NR3C2: variants seen among roughly 807,000 people sequenced by gnomAD.
NR3C2 encodes mineralocorticoid receptor.
Under a neutral mutation model 86.4 loss-of-function variants are expected in NR3C2, and 15 were observed. That is an observed-to-expected ratio of 0.17 (90% CI 0.12 to 0.27). NR3C2 has a LOEUF of 0.27. Among genes scored for constraint, NR3C2 ranks in the 10% least tolerant of loss-of-function variants. The pLI is 1.00. For missense variants in NR3C2, 960 were observed against 1,195.6 expected, an observed-to-expected ratio of 0.80 and a Z score of 2.91; for synonymous variants, 458 against 450.5, an observed-to-expected ratio of 1.02 and a Z score of -0.21.
chr4:148,388,169 T>G (rs1174996676), intron 2 of NR3C2, among the ~76,000 whole-genome samples: 1 of 152,226 alleles, frequency 6.6e-6, no homozygotes, highest in Non-Finnish European at 1.5e-5. Flanking sequence ...AGCTTACTTT[T>G]TCCCTGAATA....
intron 3 of NR3C2, among the ~76,000 whole-genome samples, chr4:148,234,629 G>A (rs1253735268): frequency 6.6e-6 from 1 of 150,382 alleles, no homozygotes; most frequent in Non-Finnish European, 1.5e-5. Flanking sequence ...GTTGCAGTGA[G>A]CCAAGATTGC....
rs950529342 is a variant in NR3C2, at chr4:148,378,220, T to C, written c.1757+56884A>G. On this transcript the variant is annotated intron_variant, in intron 2 of 8. Transcript: ENST00000358102. ...ATTGAAAGATAACAATAAGAAAACA[T>C]TCATCCCCTTCAGACTAGCAAAAAA... 2.0e-5 allele frequency among the ~76,000 whole-genome samples: 3 copies of C among 152,162 alleles called. No homozygotes were observed. The South Asian group carries it at 6.2e-4, about 32-fold the overall frequency.
intron 6 of NR3C2, among the ~76,000 whole-genome samples, chr4:148,141,522 G>A (rs1304131144): frequency 6.6e-6 from 1 of 151,812 alleles, no homozygotes; most frequent in Admixed American, 6.6e-5. Flanking sequence ...TGTACTCTAG[G>A]TATTTACAGT....
chr4:148,205,389 T>C (rs1736953242), intron 3 of NR3C2, among the ~76,000 whole-genome samples: 1 of 152,180 alleles, frequency 6.6e-6, no homozygotes, highest in South Asian at 2.1e-4. Flanking sequence ...AGGCTCTCTC[T>C]CTCCCCCTCT....
chr4:148,218,399 C>T (rs1737656596), intron 3 of NR3C2, among the ~76,000 whole-genome samples: 1 of 152,086 alleles, frequency 6.6e-6, no homozygotes, highest in African/African-American at 2.4e-5. Context: ...GTCTCTATAG[C>T]CAAAAGGCTA....
In NR3C2 at chr4:148,229,798, G is replaced by A. The variant is rs549451842; in HGVS notation, c.1897+30180C>T. Among the ~76,000 whole-genome samples, 3 of 152,294 alleles carry A rather than the reference G, an allele frequency of 2.0e-5. No individual in the cohort carries two copies. The East Asian group carries it at 5.8e-4, about 29-fold the overall frequency. On this transcript the variant is annotated intron_variant, in intron 3 of 8. Transcript: ENST00000358102. The stretch of plus-strand genomic sequence containing the variant: ...TTACGTTTTTTATAAGCAGCTTAAA[G>A]TTAAAGGGACATTGTAGTGGACATT...
chr4:148,107,240 A>C (rs1167759600), intron 8 of NR3C2, among the ~76,000 whole-genome samples: 1 of 152,222 alleles, frequency 6.6e-6, no homozygotes, highest in African/African-American at 2.4e-5. Flanking sequence ...AGCAAACATG[A>C]AAAAAAGCTC....
At chr4:148,189,200 A>T (rs955703521) in intron 4 of NR3C2, among the ~76,000 whole-genome samples, 4 of 152,188 alleles carry the variant, frequency 2.6e-5, no homozygotes, top group Non-Finnish European at 4.4e-5. Flanking sequence ...AAGTGTTGGC[A>T]TTACAGGCAT....
intron 3 of NR3C2, among the ~76,000 whole-genome samples, chr4:148,254,193 T>C (rs577825491): frequency 2.0e-5 from 3 of 152,300 alleles, no homozygotes; most frequent in African/African-American, 4.8e-5. Flanking sequence ...AACAGCCAGA[T>C]CTTAAGTGCA....
intron 3 of NR3C2, among the ~76,000 whole-genome samples, chr4:148,228,290 C>CAA (rs143784367): frequency 2.0e-5 from 3 of 151,644 alleles, no homozygotes; most frequent in Non-Finnish European, 1.5e-5. Flanking sequence ...TACACACACA[C>CAA]ACACACCCAA....
At chr4:148,143,569 T>C (rs1439068267) in intron 6 of NR3C2, among the ~76,000 whole-genome samples, 1 of 152,202 alleles carries the variant, frequency 6.6e-6, no homozygotes, top group African/African-American at 2.4e-5. Context: ...ATCTGCCAAA[T>C]GAAAGGACAA....
intron 4 of NR3C2, among the ~76,000 whole-genome samples, chr4:148,172,406 TAAG>T (rs1735168226): frequency 6.6e-6 from 1 of 152,232 alleles, no homozygotes; most frequent in Non-Finnish European, 1.5e-5. Context: ...TATTATCATT[TAAG>T]AAGTTGCCAA....
At chr4:148,151,803 A>C (rs1315368078) in intron 6 of NR3C2, among the ~76,000 whole-genome samples, 1 of 152,230 alleles carries the variant, frequency 6.6e-6, no homozygotes, top group Non-Finnish European at 1.5e-5. Flanking sequence ...AACAATTACA[A>C]AGAAGCACTG....
intron 7 of NR3C2, among the ~76,000 whole-genome samples, chr4:148,114,507 A>G (rs1732186090): frequency 6.6e-6 from 1 of 152,236 alleles, no homozygotes; most frequent in Admixed American, 6.5e-5. Flanking sequence ...TGACACCAAT[A>G]TTATGACATA....
intron 2 of NR3C2, among the ~76,000 whole-genome samples, chr4:148,347,785 GTAA>G (rs1000089610): frequency 9.2e-5 from 14 of 152,126 alleles, no homozygotes; most frequent in African/African-American, 3.1e-4. Context: ...TTCCTTCATA[GTAA>G]TAATAATAAT....
At chr4:148,367,295 C>T (rs1746193824) in intron 2 of NR3C2, among the ~76,000 whole-genome samples, 1 of 152,086 alleles carries the variant, frequency 6.6e-6, no homozygotes, top group South Asian at 2.1e-4. Context: ...ATATAGCAAC[C>T]CAAATATTAT....
At chr4:148,156,355 C>A (rs1734386269) in intron 4 of NR3C2, among the ~76,000 whole-genome samples, 1 of 151,968 alleles carries the variant, frequency 6.6e-6, no homozygotes, top group Non-Finnish European at 1.5e-5. Flanking sequence ...ATTTTTGCAA[C>A]CTACTCATCT....
intron 2 of NR3C2, among the ~76,000 whole-genome samples, chr4:148,340,245 T>C (rs1304001684): frequency 1.3e-5 from 2 of 152,124 alleles, no homozygotes; most frequent in Non-Finnish European, 2.9e-5. Flanking sequence ...GGGATCACAC[T>C]ACCTGACTTC....
At chr4:148,101,466 G>A (rs940622313) in intron 8 of NR3C2, among the ~76,000 whole-genome samples, 1 of 152,190 alleles carries the variant, frequency 6.6e-6, no homozygotes, top group African/African-American at 2.4e-5. Flanking sequence ...CATAATTAAG[G>A]TGTAATGTGA....
Sources: allele counts gnomAD v4.1 joint callset (sites outside exome capture counted in the v4.1 genomes callset), GRCh38; gene constraint gnomAD v4.1.1; transcripts MANE v1.5; gene names NCBI Gene and HGNC (gene_info 2026-07-23, HGNC 2026-07-21).